Variants in DLG2 observed in about 807,000 individuals in gnomAD.
DLG2 encodes disks large homolog 2.
Under a neutral mutation model 132.5 loss-of-function variants are expected in DLG2, and 45 were observed. The ratio of observed to expected loss-of-function variants is 0.34; its 90% CI spans 0.27 to 0.44. DLG2 has a LOEUF of 0.44. DLG2 is among the 20% of genes least tolerant of loss of function. The probability of loss-of-function intolerance (pLI) is 1.00; values close to 1 mark genes in which losing one functional copy is unlikely to be tolerated. For synonymous variants in DLG2, 424 were observed against 419.6 expected, an observed-to-expected ratio of 1.01 and a Z score of -0.13; for missense variants, 1,045 against 1,196.9, an observed-to-expected ratio of 0.87 and a Z score of 1.87.
chr11:84,592,721 A>G (rs541227078), intron 6 of DLG2, among the ~76,000 whole-genome samples: 1 of 151,990 alleles, frequency 6.6e-6, no homozygotes, highest in South Asian at 2.1e-4. Context: ...AAAAAAGCTC[A>G]TCATCACTGG....
chr11:83,937,567 T>C (rs2081777090), intron 14 of DLG2, among the ~76,000 whole-genome samples: 1 of 134,910 alleles, frequency 7.4e-6, no homozygotes, highest in African/African-American at 2.8e-5. Context: ...AAACAAGCAA[T>C]AAGCTGGGGA....
At chr11:83,541,636 C>A in intron 20 of DLG2, 46 bp downstream of exon 20, 6 of 1,487,548 alleles carry the variant, frequency 4.0e-6, no homozygotes, top group Non-Finnish European at 5.4e-6. Context: ...TCTCCACTCG[C>A]TGGATAGCTG....
intron 11 of DLG2, among the ~76,000 whole-genome samples, chr11:84,007,925 G>A (rs1360287903): frequency 2.6e-5 from 4 of 151,672 alleles, no homozygotes; most frequent in Non-Finnish European, 5.9e-5. Context: ...GTATTGAAAG[G>A]ATATCTATTC....
chr11:83,697,444 C>T (rs2082130758), intron 18 of DLG2, among the ~76,000 whole-genome samples: 1 of 152,130 alleles, frequency 6.6e-6, no homozygotes, highest in South Asian at 2.1e-4. Flanking sequence ...GTCTCTACTC[C>T]CAAAGTCTTG....
chr11:84,748,856 A>G (rs1332126605), intron 6 of DLG2, among the ~76,000 whole-genome samples: 1 of 152,192 alleles, frequency 6.6e-6, no homozygotes, highest in African/African-American at 2.4e-5. Flanking sequence ...GAACAAATTT[A>G]TGGTAGAATT....
intron 6 of DLG2, among the ~76,000 whole-genome samples, chr11:85,089,797 C>T (rs1342281979): frequency 6.6e-6 from 1 of 152,096 alleles, no homozygotes; most frequent in Non-Finnish European, 1.5e-5. Context: ...AGAAGATACA[C>T]AAGCGGCCAA....
At position 85,231,903 on chromosome 11, in the gene DLG2, T is replaced by C. The variant is rs115831139; in HGVS notation, c.186+53317A>G. Among the ~76,000 whole-genome samples, 180 of 152,006 alleles carry C rather than the reference T, an allele frequency of 1.2e-3. 2 individuals are homozygous for C. Among genetic ancestry groups the C allele is most frequent in the African/African-American group, 4.1e-3 (170 of 41,516 alleles). ...AGAATCTCTATGTAGCTCACAAATA[T>C]TTAGTTGCTGCCAAACCTCATCAAA... On this transcript the variant is annotated intron_variant, in intron 4 of 27. Coordinates refer to ENST00000376104, the MANE Select transcript of DLG2 (RefSeq NM_001142699.3).
intron 11 of DLG2, among the ~76,000 whole-genome samples, chr11:84,016,239 T>C (rs2095176245): frequency 6.6e-6 from 1 of 152,178 alleles, no homozygotes; most frequent in Non-Finnish European, 1.5e-5. Flanking sequence ...ATTTTTTTCG[T>C]GTAAACTTGT....
chr11:84,995,407 T>C (rs879714357), intron 6 of DLG2, among the ~76,000 whole-genome samples: 2 of 152,148 alleles, frequency 1.3e-5, no homozygotes, highest in Admixed American at 6.6e-5. Context: ...GATTAGTAAA[T>C]CAATTAACAG....
At chr11:85,289,325 G>C (rs149170064) in intron 3 of DLG2, among the ~76,000 whole-genome samples, 2 of 151,848 alleles carry the variant, frequency 1.3e-5, no homozygotes, top group Admixed American at 1.3e-4. Flanking sequence ...TCAGGCCCTC[G>C]CCATCTGTTA....
chr11:83,984,890 T>G (rs1043920542), intron 11 of DLG2, among the ~76,000 whole-genome samples: 1 of 152,152 alleles, frequency 6.6e-6, no homozygotes, highest in African/African-American at 2.4e-5. Flanking sequence ...TTATTAACTA[T>G]AGCCACCCTA....
chr11:84,751,565 C>T (rs1204384720), intron 6 of DLG2, among the ~76,000 whole-genome samples: 1 of 152,084 alleles, frequency 6.6e-6, no homozygotes, highest in African/African-American at 2.4e-5. Flanking sequence ...GCCACAATTT[C>T]CTGGGCATCC....
chr11:84,184,868 A>T (rs947280018), intron 8 of DLG2, among the ~76,000 whole-genome samples: 2 of 152,156 alleles, frequency 1.3e-5, no homozygotes, highest in Non-Finnish European at 2.9e-5. Context: ...TTTGTCAAAG[A>T]TCAGATGGTT....
intron 14 of DLG2, among the ~76,000 whole-genome samples, chr11:83,939,827 G>C (rs921314286): frequency 6.6e-6 from 1 of 152,082 alleles, no homozygotes; most frequent in African/African-American, 2.4e-5. Flanking sequence ...ACTCTACAGG[G>C]GGGAACACTC....
chr11:84,863,435 A>G (rs1284162396), intron 6 of DLG2, among the ~76,000 whole-genome samples: 1 of 152,184 alleles, frequency 6.6e-6, no homozygotes, highest in Non-Finnish European at 1.5e-5. Context: ...CCTGTGACAT[A>G]TATTAATTTG....
intron 7 of DLG2, among the ~76,000 whole-genome samples, chr11:84,532,709 C>T (rs189042324): frequency 6.6e-6 from 1 of 152,128 alleles, no homozygotes; most frequent in Admixed American, 6.5e-5. Context: ...GTTACCCAGG[C>T]TGGTCTTGAA....
At chr11:83,839,562 T>C (rs1019641639) in intron 16 of DLG2, among the ~76,000 whole-genome samples, 7 of 152,186 alleles carry the variant, frequency 4.6e-5, no homozygotes, top group Non-Finnish European at 1.0e-4. Context: ...TCAGAGCTAG[T>C]CTCTTTGCTG....
chr11:84,506,355 G>A (rs935730621), intron 7 of DLG2, among the ~76,000 whole-genome samples: 5 of 152,036 alleles, frequency 3.3e-5, no homozygotes, highest in African/African-American at 1.2e-4. Flanking sequence ...GATTACAGGC[G>A]TGAGCCACCG....
intron 18 of DLG2, among the ~76,000 whole-genome samples, chr11:83,779,292 T>G (rs2094711303): frequency 2.0e-5 from 3 of 152,150 alleles, no homozygotes; most frequent in African/African-American, 7.2e-5. Context: ...ATATTTGAAC[T>G]ACTTGTTGAA....
Sources: gnomAD v4.1 joint callset for allele counts (sites outside exome capture counted in the v4.1 genomes callset) on GRCh38, gnomAD v4.1.1 for gene constraint, MANE v1.5 for transcripts, NCBI Gene and HGNC (gene_info 2026-07-23, HGNC 2026-07-21) for gene names.